KXD1: variants seen among roughly 807,000 people sequenced by gnomAD.
KXD1 encodes kxDL motif-containing protein 1.
Under a neutral mutation model 12.1 loss-of-function variants are expected in KXD1, and 5 were observed. The ratio of observed to expected loss-of-function variants is 0.41; its 90% CI spans 0.22 to 0.87. The LOEUF (loss-of-function observed/expected upper bound fraction) is 0.87, where lower values mean the gene tolerates loss of function less well. KXD1 is among the 40% of genes least tolerant of loss of function. The probability of loss-of-function intolerance (pLI) is 0.31; values close to 1 mark genes in which losing one functional copy is unlikely to be tolerated. For synonymous variants in KXD1, 98 were observed against 100.5 expected (o/e 0.98, Z 0.15); for missense variants, 193 against 244.9 (o/e 0.79, Z 1.41).
Position 18,568,550 on chromosome 19 carries a change from G to A in KXD1, c.450G>A (p.Glu150=). The change falls in exon 5 of 5, where the codon GAG becomes GAA. Residue 150 remains glutamate, a synonymous_variant. Transcript: ENST00000222307. The stretch of plus-strand genomic sequence containing the variant: ...CGCCCTCCCTGAGCCCCGGCTTCGA[G>A]GACCTGTCCCATGTCCAGCCTGGCT... ...TVSPSLSPGF[E]DLSHVQPGSP... 3.7e-6 allele frequency: 6 copies of A among 1,613,908 alleles called. No individual in the cohort carries two copies. Among genetic ancestry groups the A allele is most frequent in the Non-Finnish European group, 5.1e-6 (6 of 1,180,026 alleles).
At chr19:18,557,966 C>CA (rs1976987462) in intron 1 of KXD1, 52 bp downstream of exon 1, 1 of 152,268 alleles carries the variant, frequency 6.6e-6, no homozygotes, top group African/African-American at 2.4e-5. Flanking sequence ...CTGGGGACTC[C>CA]AGGGCCGCGG....
In KXD1 at chr19:18,568,391, C is replaced by G. The variant is rs756069368; in HGVS notation, c.302-11C>G. 1 of 1,607,520 alleles carries G rather than the reference C, an allele frequency of 6.2e-7. No homozygotes were observed. Among genetic ancestry groups the G allele is most frequent in the Non-Finnish European group, 8.5e-7 (1 of 1,174,416 alleles). On this transcript the variant is annotated splice_polypyrimidine_tract_variant and intron_variant, in intron 4 of 4. Coordinates refer to ENST00000222307, the MANE Select transcript of KXD1 (RefSeq NM_024069.4). The stretch of plus-strand genomic sequence containing the variant: ...GGTGACAAAACCAACTCTTGGGCCT[C>G]CTTCCCCCAGATATCCCAGAGGCAT...
intron 4 of KXD1, 79 bp downstream of exon 4, chr19:18,567,257 G>A (rs1389712109): frequency 7.0e-7 from 1 of 1,434,940 alleles, no homozygotes; most frequent in East Asian, 2.3e-5. Context: ...GGCCACCTTG[G>A]GGCCTGATAC....
intron 4 of KXD1, chr19:18,567,468 C>G: frequency 1.4e-6 from 1 of 710,570 alleles, no homozygotes; most frequent in Non-Finnish European, 2.6e-6. Context: ...CATCTCAGAA[C>G]AGAGCACGGG....
intron 2 of KXD1, among the ~76,000 whole-genome samples, chr19:18,564,278 A>G (rs117867420): frequency 2.9e-3 from 442 of 152,120 alleles, no homozygotes; most frequent in African/African-American, 9.4e-3. Context: ...TCCTGGCCCT[A>G]TGGTGTCAGG....
At chr19:18,565,203 A>C in intron 3 of KXD1, 182 bp downstream of exon 3, 1 of 1,378,662 alleles carries the variant, frequency 7.3e-7, no homozygotes, top group Non-Finnish European at 9.4e-7. Context: ...AAGTTTATTT[A>C]CTGATTGATT....
chr19:18,561,507 T>A (rs776079450), intron 1 of KXD1: 2 of 152,430 alleles, frequency 1.3e-5, no homozygotes, highest in African/African-American at 4.8e-5. Context: ...TAAGCCAAGA[T>A]CGCGCCATTG....
Position 18,568,877 on chromosome 19 carries a change from T to G in KXD1, c.*246T>G. ...CCTCTGCCATGCCAGGGCACGCCCATTCCAGCTGGAGTCGTGGGGCTGGGC... is the reference window on the plus strand; with the variant it reads ...CCTCTGCCATGCCAGGGCACGCCCAGTCCAGCTGGAGTCGTGGGGCTGGGC... On this transcript the variant is annotated 3_prime_UTR_variant, in exon 5 of 5. Transcript: ENST00000222307. 2 of 529,030 alleles carry G rather than the reference T, an allele frequency of 3.8e-6. No individual in the cohort carries two copies. The highest frequency in any genetic ancestry group is 6.8e-6 in the Non-Finnish European group (2 of 295,948). 32.8% of individuals were successfully genotyped at this position (529,030 alleles called of 1,614,324 possible).
intron 3 of KXD1, among the ~76,000 whole-genome samples, chr19:18,566,193 G>A (rs1462966627): frequency 6.6e-6 from 1 of 152,060 alleles, no homozygotes; most frequent in Non-Finnish European, 1.5e-5. Flanking sequence ...GCCCATGCCT[G>A]TAATCCCAGC....
chr19:18,559,080 C>G (rs567627630), intron 1 of KXD1: 1 of 148,098 alleles, frequency 6.8e-6, no homozygotes, highest in African/African-American at 2.5e-5. Context: ...CTCTGCCTCC[C>G]GGGTTCAAGC....
intron 2 of KXD1, among the ~76,000 whole-genome samples, 159 bp from the exon 3 acceptor site, chr19:18,564,710 T>C (rs527972858): frequency 6.6e-6 from 1 of 152,268 alleles, no homozygotes; most frequent in East Asian, 1.9e-4. Context: ...AGGAGTTTGC[T>C]AGGTGGCTCA....
intron 2 of KXD1, among the ~76,000 whole-genome samples, chr19:18,564,324 T>TA (rs1975089780): frequency 6.6e-6 from 1 of 152,026 alleles, no homozygotes; most frequent in Admixed American, 6.6e-5. Flanking sequence ...CTAGTGGAAT[T>TA]AAAAGAGTCT....
chr19:18,561,908 C>CA (rs1974931512), intron 1 of KXD1, 128 bp from the exon 2 acceptor site: 1 of 544,276 alleles, frequency 1.8e-6, no homozygotes. Flanking sequence ...GAGCCACAGT[C>CA]ACACATCCCC....
chr19:18,568,871 C>T lies in KXD1; in HGVS notation c.*240C>T, dbSNP rs536423055. The T allele has an allele frequency of 5.4e-4, 289 of 538,830 alleles. 1 individual carries two copies. The highest frequency in any genetic ancestry group is 4.4e-3 in the African/African-American group (234 of 52,898). The allele number at this position is 538,830 out of a possible 1,614,324, so 33.4% of individuals were successfully genotyped here. A position where few individuals can be genotyped will look rare whatever the true frequency, so the allele number is the denominator to read the frequency against. ...AAGACCCCTCTGCCATGCCAGGGCA[C>T]GCCCATTCCAGCTGGAGTCGTGGGG... On this transcript the variant is annotated 3_prime_UTR_variant, in exon 5 of 5. Transcript: ENST00000222307.
In KXD1 at chr19:18,564,983, G is replaced by T. The variant is rs1975133058; in HGVS notation, c.216G>T (p.Glu72Asp). The change falls in exon 3 of 5, where the codon GAG becomes GAT. Residue 72 changes from glutamate (E) to aspartate (D), a missense_variant. Physicochemically the swap from Glu to Asp is conservative, Grantham distance 45 (BLOSUM62 2). Coordinates refer to ENST00000222307, the MANE Select transcript of KXD1 (RefSeq NM_024069.4). Reference protein sequence around the residue: ...RFLHHTRTLVEMKRDLDSIFR... With the variant: ...RFLHHTRTLVDMKRDLDSIFR... ...TGCACCACACGAGGACCCTAGTAGA[G>T]ATGAAACGGGACCTGGACAGCATCT... 1 of 1,610,020 alleles carries T rather than the reference G, an allele frequency of 6.2e-7. No individual in the cohort carries two copies. The highest frequency in any genetic ancestry group is 2.2e-5 in the East Asian group (1 of 44,884).
chr19:18,564,728 G>A (rs1975116498), intron 2 of KXD1, 141 bp from the exon 3 acceptor site: 5 of 912,254 alleles, frequency 5.5e-6, no homozygotes, highest in Non-Finnish European at 8.5e-6. Flanking sequence ...TCAAAGAGTA[G>A]GTAGAACTCT....
chr19:18,567,155 G>C lies in KXD1; in HGVS notation c.278G>C (p.Arg93Thr), dbSNP rs1975284079. 2 of 1,614,038 alleles carry C rather than the reference G, an allele frequency of 1.2e-6. No homozygotes were observed. The highest frequency in any genetic ancestry group is 1.7e-6 in the Non-Finnish European group (2 of 1,180,022). The change falls in exon 4 of 5, where the codon AGG becomes ACG. Residue 93 changes from arginine to threonine, a missense_variant. By Grantham distance (71) the Arg-to-Thr change is moderately conservative. Transcript: ENST00000222307. Reference protein sequence around the residue: ...RIRTLKGKLARQHPEAFSHIP... With the variant: ...RIRTLKGKLATQHPEAFSHIP... ...AGGACGCTGAAAGGGAAACTGGCCA[G>C]GCAGCACCCAGAGGCCTTCAGCCGT...
At chr19:18,561,958 A>G in intron 1 of KXD1, 78 bp from the exon 2 acceptor site, 2 of 887,026 alleles carry the variant, frequency 2.3e-6, no homozygotes, top group East Asian at 2.9e-5. Context: ...GTTCCAGCAC[A>G]TGGCGGTCCC....
intron 4 of KXD1, 73 bp from the exon 5 acceptor site, chr19:18,568,329 A>C (rs1346400256): frequency 3.5e-6 from 4 of 1,130,718 alleles, no homozygotes; most frequent in Non-Finnish European, 5.3e-6. Flanking sequence ...GTTAGGGGTC[A>C]CATGGACAAT....
Sources: gnomAD v4.1 joint callset for allele counts (sites outside exome capture counted in the v4.1 genomes callset) on GRCh38, gnomAD v4.1.1 for gene constraint, MANE v1.5 for transcripts, NCBI Gene and HGNC (gene_info 2026-07-23, HGNC 2026-07-21) for gene names.